EVC: variants seen among roughly 807,000 people sequenced by gnomAD.
EVC encodes evC complex member EVC.
A neutral mutation model predicts 118.9 loss-of-function variants in EVC; 116 were observed. That is an observed-to-expected ratio of 0.98 (90% CI 0.84 to 1.14). The LOEUF (loss-of-function observed/expected upper bound fraction) is 1.14, where lower values mean the gene tolerates loss of function less well. Ranked by LOEUF, EVC falls within the 50% of genes most tolerant of loss-of-function variation. The probability of loss-of-function intolerance (pLI) is 0.00; values close to 1 mark genes in which losing one functional copy is unlikely to be tolerated. For synonymous variants in EVC, 619 were observed against 534.7 expected (o/e 1.16, Z -2.18); for missense variants, 1,401 against 1,246.4 (o/e 1.12, Z -1.87).
chr4:5,809,390 T>A (rs1716524145), intron 18 of EVC, 128 bp from the exon 19 acceptor site: 1 of 794,074 alleles, frequency 1.3e-6, no homozygotes, highest in Admixed American at 1.9e-5. Context: ...TGTTGGAAAA[T>A]TCTCCTCCAC....
chr4:5,807,996 G>T (rs1214882145), intron 17 of EVC, among the ~76,000 whole-genome samples: 1 of 152,210 alleles, frequency 6.6e-6, no homozygotes, highest in East Asian at 1.9e-4. Context: ...AAACTCCCGT[G>T]TTGTAAAGGG....
At position 5,746,617 on chromosome 4, in the gene EVC, G is replaced by C. The variant is rs901301704; in HGVS notation, c.939+1276G>C. Among the ~76,000 whole-genome samples, 1 of 152,174 alleles carries C rather than the reference G, an allele frequency of 6.6e-6. No homozygotes were observed. Among genetic ancestry groups the C allele is most frequent in the Non-Finnish European group, 1.5e-5 (1 of 68,034 alleles). On this transcript the variant is annotated intron_variant, in intron 7 of 20. Transcript: ENST00000264956. The surrounding 1 kb of genome is among the most constrained non-coding windows in gnomAD (Gnocchi z 5.8). ...GGATGCTAAGGAAGAGGGCCAGCCTGGATTCCGGTGGTCCACAGAACCCCC... is the reference window on the plus strand; with the variant it reads ...GGATGCTAAGGAAGAGGGCCAGCCTCGATTCCGGTGGTCCACAGAACCCCC...
chr4:5,816,309 G>A (rs1032662667), downstream of EVC, among the ~76,000 whole-genome samples: 1 of 152,150 alleles, frequency 6.6e-6, no homozygotes, highest in African/African-American at 2.4e-5. Flanking sequence ...GTCCCCAACG[G>A]CAAGGAGCAA....
At position 5,745,264 on chromosome 4, in the gene EVC, G is replaced by T. The variant is rs1286304794; in HGVS notation, c.862G>T (p.Ala288Ser). The T allele has an allele frequency of 1.9e-6, 3 of 1,613,998 alleles. No homozygotes were observed. The highest frequency in any genetic ancestry group is 3.3e-5 in the Admixed American group (2 of 60,012). The change falls in exon 7 of 21, where the codon GCT becomes TCT. Residue 288 changes from alanine (A) to serine (S), a missense_variant. Physicochemically the swap from Ala to Ser is moderately conservative, Grantham distance 99. Transcript: ENST00000264956. Reference sequence around the variant, plus strand: ...ACTGTCAAACACAGAAATGTCGGGGGCTGGTGACTCTGAGTACATCACCCT... The same window carrying T: ...ACTGTCAAACACAGAAATGTCGGGGTCTGGTGACTCTGAGTACATCACCCT... ...VKLSNTEMSGAGDSEYITLAD... is the reference protein window; with the variant it reads ...VKLSNTEMSGSGDSEYITLAD...
chr4:5,780,802 T>A (rs1033212049), intron 11 of EVC, among the ~76,000 whole-genome samples: 1 of 152,186 alleles, frequency 6.6e-6, no homozygotes, highest in African/African-American at 2.4e-5. Context: ...CAGCCTATAG[T>A]TGTACCCATG....
rs71599834 is a variant in EVC at position 5,811,861 on chromosome 4, A to G, written c.*824A>G. 1 of 149,280 alleles carries G rather than the reference A, an allele frequency of 6.7e-6. No homozygotes were observed. Among genetic ancestry groups the G allele is most frequent in the Non-Finnish European group, 1.4e-5 (1 of 69,158 alleles). The allele number at this position is 149,280 out of a possible 1,614,324, so 9.2% of individuals were successfully genotyped here. ...AGAGAAACTTCCAGACCAGCCCCTC[A>G]CACCACAGCCAAGAGAAGCCTTTCC... On this transcript the variant is annotated 3_prime_UTR_variant, in exon 21 of 21. Coordinates refer to ENST00000264956, the MANE Select transcript of EVC (RefSeq NM_153717.3).
At chr4:5,786,669 C>T (rs183200413) in intron 12 of EVC, among the ~76,000 whole-genome samples, 14 of 152,178 alleles carry the variant, frequency 9.2e-5, no homozygotes, top group Admixed American at 2.6e-4. Context: ...GTCAGGAGAT[C>T]GAGACCATCC....
chr4:5,801,952 G>C lies in EVC; in HGVS notation c.2307G>C (p.Arg769Ser). ...SRAKDRDDFK[R>S]TLMEAAVESV... ...CTGTCCTTCCTTTCTTCCCTCAGAG[G>C]ACACTGATGGAGGCGGCAGTGGAGA... is the stretch of plus-strand genomic sequence containing the variant. Residue 769 changes from arginine to serine, a missense_variant and splice_region_variant, in exon 16 of 21, where the codon AGG (arginine) becomes AGC (serine). Arg to Ser is a moderately radical substitution (Grantham distance 110). Transcript: ENST00000264956. The C allele has an allele frequency of 6.2e-7, 1 of 1,613,292 alleles. No homozygotes were observed. Among genetic ancestry groups the C allele is most frequent in the East Asian group, 2.2e-5 (1 of 44,864 alleles).
At chr4:5,752,774 T>A in intron 8 of EVC, 62 bp from the exon 9 acceptor site, 1 of 1,559,940 alleles carries the variant, frequency 6.4e-7, no homozygotes. Flanking sequence ...CAGCTGTTAA[T>A]TAACATGCCC....
At chr4:5,806,371 C>G (rs188846160) in intron 17 of EVC, among the ~76,000 whole-genome samples, 1 of 152,112 alleles carries the variant, frequency 6.6e-6, no homozygotes, top group Non-Finnish European at 1.5e-5. Context: ...TGAGCCACTG[C>G]GCCCAGCCTG....
intron 6 of EVC, 99 bp from the exon 7 acceptor site, chr4:5,745,105 G>T (rs939844212): frequency 8.4e-6 from 10 of 1,194,894 alleles, no homozygotes; most frequent in East Asian, 5.2e-5. Flanking sequence ...AAAATATTTT[G>T]TGAAATTTGA....
rs112283154 is a variant in EVC at position 5,744,968 on chromosome 4, G to GTTTTTT, written c.802-225_802-220dup. Among the ~76,000 whole-genome samples, 2,143 of 139,792 alleles carry GTTTTTT rather than the reference G, an allele frequency of 0.015. 73 individuals are homozygous for GTTTTTT. The highest frequency in any genetic ancestry group is 0.052 in the African/African-American group (1,964 of 37,820). 91.7% of individuals were successfully genotyped at this position (139,792 alleles called of 152,430 possible). ...TTATTGATTTTTAAAGTATGGTCTA[G>GTTTTTT]TTTTTTTTTTTTTTTTGAGGGAGGA... On this transcript the variant is annotated intron_variant, in intron 6 of 20. Transcript: ENST00000264956.
the EVC span, among the ~76,000 whole-genome samples, chr4:5,822,414 C>T: frequency 6.6e-6 from 1 of 150,716 alleles, no homozygotes; most frequent in Non-Finnish European, 1.5e-5. Context: ...TTTGTATATG[C>T]ATGTGCATAT....
intron 12 of EVC, among the ~76,000 whole-genome samples, chr4:5,786,374 T>TTTGAATG (rs537261440): frequency 9.8e-5 from 15 of 152,298 alleles, no homozygotes; most frequent in South Asian, 6.2e-4. Context: ...TCAGCTCTGT[T>TTTGAATG]TTGAATGTTT....
Position 5,731,564 on chromosome 4 carries a change from C to T in EVC, c.524C>T (p.Ser175Leu), listed in dbSNP as rs915228880. 9.3e-6 allele frequency: 15 copies of T among 1,614,146 alleles called. No individual in the cohort carries two copies. The highest frequency in any genetic ancestry group is 3.3e-5 in the Admixed American group (2 of 60,014). ...SQGEKDDCSS[S>L]SSVHSATSDD... Reference sequence around the variant, plus strand: ...GGTGAGAAGGACGACTGCAGCTCCTCATCCAGCGTCCACTCGGCCACCAGC... The same window carrying T: ...GGTGAGAAGGACGACTGCAGCTCCTTATCCAGCGTCCACTCGGCCACCAGC... The change falls in exon 4 of 21, where the codon TCA becomes TTA. Residue 175 changes from serine (S) to leucine (L), a missense_variant. By Grantham distance (145) the Ser-to-Leu change is moderately radical (BLOSUM62 -2). Transcript: ENST00000264956. The surrounding 1 kb of genome is among the most constrained non-coding windows in gnomAD (Gnocchi z 5.6).
At chr4:5,794,142 T>A (rs1299447894) in intron 13 of EVC, among the ~76,000 whole-genome samples, 1 of 150,674 alleles carries the variant, frequency 6.6e-6, no homozygotes, top group Non-Finnish European at 1.5e-5. Flanking sequence ...TATTCATTTT[T>A]CACATTTTTG....
At position 5,711,211 on chromosome 4, in the gene EVC, G is replaced by C. The variant is rs1045633576; in HGVS notation, c.-170G>C. On this transcript the variant is annotated 5_prime_UTR_variant, in exon 1 of 21. Coordinates refer to ENST00000264956, the MANE Select transcript of EVC (RefSeq NM_153717.3). ...TCCAGGCTCCTCCCTCCGGCTCGGC[G>C]AAGCAGGGAAGGGGAGAGAAGCAGG... The C allele has an allele frequency of 2.6e-5, 8 of 305,322 alleles. No individual in the cohort carries two copies. Among genetic ancestry groups the C allele is most frequent in the Non-Finnish European group, 3.9e-5 (8 of 207,444 alleles). 18.9% of individuals were successfully genotyped at this position (305,322 alleles called of 1,614,324 possible).
intron 7 of EVC, 43 bp from the exon 8 acceptor site, chr4:5,748,105 A>G (rs1362320764): frequency 1.9e-6 from 3 of 1,612,502 alleles, no homozygotes; most frequent in Non-Finnish European, 2.5e-6. Flanking sequence ...TTTCTTAAGT[A>G]AGTTTTTCAC....
chr4:5,715,299 G>T (rs187806924), intron 1 of EVC, among the ~76,000 whole-genome samples: 1 of 152,198 alleles, frequency 6.6e-6, no homozygotes, highest in Non-Finnish European at 1.5e-5. Flanking sequence ...TCTCTAGACA[G>T]CTCTCTAAAG....
Sources: allele counts gnomAD v4.1 joint callset (sites outside exome capture counted in the v4.1 genomes callset), GRCh38; gene constraint gnomAD v4.1.1; non-coding constraint Gnocchi (gnomAD v3.1); transcripts MANE v1.5; gene names NCBI Gene and HGNC (gene_info 2026-07-23, HGNC 2026-07-21).